The following SORCS3 variants were observed in gnomAD, a reference collection of about 807,000 sequenced individuals.
SORCS3 encodes sortilin related VPS10 domain containing receptor 3, also known as VPS10 domain-containing receptor SorCS3.
SORCS3 carries 57 observed loss-of-function variants against 146.3 expected under a neutral mutation model. The observed-to-expected ratio is 0.39, with a 90% CI of 0.31 to 0.49. The LOEUF (loss-of-function observed/expected upper bound fraction) is 0.49. Among genes scored for constraint, SORCS3 ranks in the 20% least tolerant of loss-of-function variants. The pLI is 0.92. For synonymous variants in SORCS3, 653 were observed against 618.5 expected, an observed-to-expected ratio of 1.06 and a Z score of -0.83; for missense variants, 1,341 against 1,575.5, an observed-to-expected ratio of 0.85 and a Z score of 2.52.
intron 5 of SORCS3, among the ~76,000 whole-genome samples, chr10:105,049,407 C>G (rs1025067891): frequency 4.6e-5 from 7 of 152,032 alleles, no homozygotes; most frequent in Non-Finnish European, 8.8e-5. Context: ...ACACTTCTCC[C>G]CAAGTATCAT....
chr10:104,696,362 C>G lies in SORCS3; in HGVS notation c.627+54408C>G, dbSNP rs1400357876. 1.4e-3 allele frequency among the ~76,000 whole-genome samples: 9 copies of G among 6,546 alleles called. 3 individuals carry two copies. Among genetic ancestry groups the G allele is most frequent in the Non-Finnish European group, 1.8e-3 (6 of 3,310 alleles). The allele number at this position is 6,546 out of a possible 152,430, so 4.3% of individuals were successfully genotyped here. A position where few individuals can be genotyped will look rare whatever the true frequency, so the allele number is the denominator to read the frequency against. ...TATATGATATATATCATATATATAT[C>G]ATATATAGTATATAATATATATTAT... On this transcript the variant is annotated intron_variant, in intron 1 of 26. Transcript: ENST00000369701.
At chr10:104,656,941 A>G (rs2015639210) in intron 1 of SORCS3, among the ~76,000 whole-genome samples, 1 of 152,174 alleles carries the variant, frequency 6.6e-6, no homozygotes, top group African/African-American at 2.4e-5. Flanking sequence ...ACTTCTCTTT[A>G]TAACTCCCTT....
At chr10:105,237,853 C>T (rs1034895342) in intron 20 of SORCS3, among the ~76,000 whole-genome samples, 5 of 152,094 alleles carry the variant, frequency 3.3e-5, no homozygotes, top group Non-Finnish European at 7.4e-5. Flanking sequence ...AAGGAAATAA[C>T]CTTGGAAGGT....
intron 16 of SORCS3, among the ~76,000 whole-genome samples, chr10:105,203,467 T>C (rs555942858): frequency 1.3e-5 from 2 of 152,310 alleles, no homozygotes; most frequent in South Asian, 2.1e-4. Flanking sequence ...ACTAACTCCA[T>C]TGAGGCACAC....
intron 1 of SORCS3, among the ~76,000 whole-genome samples, chr10:104,659,583 C>G (rs929390534): frequency 1.3e-5 from 2 of 152,162 alleles, no homozygotes; most frequent in Non-Finnish European, 2.9e-5. Context: ...ATCGGAAGGA[C>G]CTGATCTTGA....
chr10:105,153,235 CT>C (rs776614324), intron 9 of SORCS3, among the ~76,000 whole-genome samples: 1 of 151,844 alleles, frequency 6.6e-6, no homozygotes, highest in South Asian at 2.1e-4. Flanking sequence ...TTCAGTCTGA[CT>C]TTTTTTTGCT....
intron 1 of SORCS3, among the ~76,000 whole-genome samples, chr10:104,681,052 G>A (rs533768232): frequency 6.6e-4 from 100 of 152,324 alleles, no homozygotes; most frequent in South Asian, 5.6e-3. Context: ...CCTCTCTCCC[G>A]GGAAGAGGAC....
At chr10:105,049,153 A>G (rs530250928) in intron 5 of SORCS3, among the ~76,000 whole-genome samples, 4 of 152,178 alleles carry the variant, frequency 2.6e-5, no homozygotes, top group East Asian at 3.9e-4. Flanking sequence ...TAAGACCCCA[A>G]TTCAACACTA....
Position 104,881,594 on chromosome 10 carries a change from G to A in SORCS3, c.696-34239G>A, listed in dbSNP as rs148022307. ...ATAGAGAAAAAAGTAACAGATTAAA[G>A]AATCTTATATTAAGAATGGAAGGGT... On this transcript the variant is annotated intron_variant, in intron 2 of 26. Transcript: ENST00000369701. Among the ~76,000 whole-genome samples the A allele has an allele frequency of 3.0e-3, 462 of 152,204 alleles. 5 individuals carry two copies. The highest frequency in any genetic ancestry group is 0.011 in the African/African-American group (438 of 41,536).
chr10:105,032,650 A>ATC (rs2055276975), intron 4 of SORCS3, among the ~76,000 whole-genome samples: 1 of 152,204 alleles, frequency 6.6e-6, no homozygotes. Context: ...GAACGTAGCT[A>ATC]TTATTATTTT....
At chr10:104,935,097 C>A (rs529048567) in intron 3 of SORCS3, among the ~76,000 whole-genome samples, 138 of 152,250 alleles carry the variant, frequency 9.1e-4, no homozygotes, top group Middle Eastern at 6.8e-3. Context: ...AGAGACAGGG[C>A]CAATCATCGT....
intron 3 of SORCS3, among the ~76,000 whole-genome samples, chr10:104,960,825 G>T (rs1474002351): frequency 6.6e-6 from 1 of 152,080 alleles, no homozygotes; most frequent in Non-Finnish European, 1.5e-5. Context: ...AAAAAACAGG[G>T]TTAGCAGGTG....
At chr10:105,175,261 G>T (rs927927842) in intron 13 of SORCS3, among the ~76,000 whole-genome samples, 1 of 143,352 alleles carries the variant, frequency 7.0e-6, no homozygotes, top group East Asian at 2.1e-4. Context: ...GGGCTTCACC[G>T]TGTTAGTCAG....
At chr10:104,796,871 A>G (rs1238059349) in intron 1 of SORCS3, among the ~76,000 whole-genome samples, 2 of 152,200 alleles carry the variant, frequency 1.3e-5, no homozygotes, top group East Asian at 3.8e-4. Context: ...TTTTGCACAG[A>G]CACACTCCAG....
At chr10:105,134,484 G>A (rs768149399) in intron 7 of SORCS3, among the ~76,000 whole-genome samples, 3 of 151,634 alleles carry the variant, frequency 2.0e-5, no homozygotes, top group Non-Finnish European at 2.9e-5. Flanking sequence ...GTGAAGGCCC[G>A]GTGTCTGCTT....
At position 104,800,535 on chromosome 10, in the gene SORCS3, T is replaced by G. The variant is rs751398570; in HGVS notation, c.628-42257T>G. Among the ~76,000 whole-genome samples, 9 of 152,212 alleles carry G rather than the reference T, an allele frequency of 5.9e-5. No individual in the cohort carries two copies. The Middle Eastern group carries it at 0.014, about 230-fold the overall frequency. The stretch of plus-strand genomic sequence containing the variant: ...GATTGTCACAAATGTGCCACCCTGG[T>G]GCTGCTGGGATACTGAAAGTGAGGG... On this transcript the variant is annotated intron_variant, in intron 1 of 26. Coordinates refer to ENST00000369701, the MANE Select transcript of SORCS3 (RefSeq NM_014978.3).
intron 8 of SORCS3, among the ~76,000 whole-genome samples, chr10:105,146,575 G>A (rs1173819845): frequency 6.6e-6 from 1 of 151,944 alleles, no homozygotes; most frequent in Admixed American, 6.6e-5. Context: ...CTAAACATTT[G>A]TGATTCATAT....
At chr10:105,079,168 C>T (rs545142356) in intron 5 of SORCS3, among the ~76,000 whole-genome samples, 22 of 152,206 alleles carry the variant, frequency 1.4e-4, no homozygotes, top group African/African-American at 3.9e-4. Context: ...AGCCCAGCAT[C>T]GGTGTTCCAA....
intron 1 of SORCS3, among the ~76,000 whole-genome samples, chr10:104,764,409 C>T (rs189222026): frequency 3.7e-4 from 56 of 152,106 alleles, no homozygotes; most frequent in Non-Finnish European, 6.0e-4. Flanking sequence ...CTTTGAGATT[C>T]TAGCTGATGC....
Sources: gnomAD v4.1 joint callset for allele counts (sites outside exome capture counted in the v4.1 genomes callset) on GRCh38, gnomAD v4.1.1 for gene constraint, MANE v1.5 for transcripts, NCBI Gene and HGNC (gene_info 2026-07-23, HGNC 2026-07-21) for gene names.